LGR5: variants seen among roughly 807,000 people sequenced by gnomAD.
LGR5 encodes leucine rich repeat containing G protein-coupled receptor 5, also known as leucine-rich repeat-containing G protein-coupled receptor 5.
LGR5 carries 54 observed loss-of-function variants against 76.7 expected under a neutral mutation model. The ratio of observed to expected loss-of-function variants is 0.70; its 90% CI spans 0.57 to 0.88. The LOEUF is 0.88. Among genes scored for constraint, LGR5 ranks in the 40% least tolerant of loss-of-function variants. The pLI, the probability that LGR5 is intolerant of heterozygous loss-of-function variation, is 0.00. For synonymous variants in LGR5, 406 were observed against 421.9 expected (o/e 0.96, Z 0.46); for missense variants, 1,078 against 1,073.3 (o/e 1.00, Z -0.06).
chr12:71,519,716 C>T (rs1287809358), intron 2 of LGR5, among the ~76,000 whole-genome samples: 1 of 151,964 alleles, frequency 6.6e-6, no homozygotes, highest in Non-Finnish European at 1.5e-5. Context: ...GTCCCAGCTA[C>T]TTGTGGGGCT....
chr12:71,488,327 C>T (rs1223424674), intron 1 of LGR5, among the ~76,000 whole-genome samples: 1 of 152,178 alleles, frequency 6.6e-6, no homozygotes, highest in Admixed American at 6.5e-5. Context: ...ACTTAAGTCA[C>T]CTATAGGTTG....
Position 71,445,499 on chromosome 12 carries a change from A to G in LGR5, c.212+5207A>G, listed in dbSNP as rs143855544. On this transcript the variant is annotated intron_variant, in intron 1 of 17. Transcript: ENST00000266674. The stretch of plus-strand genomic sequence containing the variant: ...TTAACCATTGTAAATAACCAACTAC[A>G]TGCCCAATTTCACCTATGGAACTCT... Among the ~76,000 whole-genome samples the G allele has an allele frequency of 5.0e-4, 76 of 152,352 alleles. No individual in the cohort carries two copies. The East Asian group carries it at 0.013, about 26-fold the overall frequency.
chr12:71,495,077 T>TGG (rs778076062), intron 1 of LGR5, among the ~76,000 whole-genome samples: 4,003 of 149,016 alleles, frequency 0.027, 223 homozygotes, highest in African/African-American at 0.065. Context: ...TGGGGCGTAG[T>TGG]CGGGGGGGGT....
intron 1 of LGR5, among the ~76,000 whole-genome samples, chr12:71,496,299 A>T (rs1246813630): frequency 7.1e-6 from 1 of 141,090 alleles, no homozygotes; most frequent in Non-Finnish European, 1.5e-5. Context: ...TGAACCCAGG[A>T]GGTGGAGGTT....
chr12:71,560,415 A>T (rs1280602), intron 7 of LGR5, among the ~76,000 whole-genome samples: 115,473 of 152,064 alleles, frequency 0.76, 45,858 homozygotes, highest in Non-Finnish European at 0.89. Context: ...CTTCACATTG[A>T]GGAGGCTGAG....
chr12:71,443,915 T>A, intron 1 of LGR5, among the ~76,000 whole-genome samples: 1 of 121,470 alleles, frequency 8.2e-6, no homozygotes, highest in Non-Finnish European at 1.8e-5. Flanking sequence ...AGAGAAAAGA[T>A]TTTTTTTTTT....
rs1057003493 is a variant in LGR5, at chr12:71,440,606, T to A, written c.212+314T>A. On this transcript the variant is annotated intron_variant, in intron 1 of 17. Coordinates refer to ENST00000266674, the MANE Select transcript of LGR5 (RefSeq NM_003667.4). This position sits in a 1 kb window ranked among gnomAD's most constrained non-coding sequence, Gnocchi z 5.3. The stretch of plus-strand genomic sequence containing the variant: ...ATTCCTGCAAATGCAGGCATTTGCG[T>A]GCGGAGTGGACATTTGTGACCCAGA... Among the ~76,000 whole-genome samples, 11 of 152,130 alleles carry A rather than the reference T, an allele frequency of 7.2e-5. No individual in the cohort carries two copies. The highest frequency in any genetic ancestry group is 2.4e-4 in the African/African-American group (10 of 41,444).
intron 1 of LGR5, among the ~76,000 whole-genome samples, chr12:71,499,458 A>G (rs1874493095): frequency 6.6e-6 from 1 of 152,116 alleles, no homozygotes; most frequent in Admixed American, 6.5e-5. Context: ...AACGGTAAGA[A>G]TTTCCATGTA....
intron 1 of LGR5, among the ~76,000 whole-genome samples, chr12:71,484,180 A>T (rs886774684): frequency 6.6e-6 from 1 of 152,194 alleles, no homozygotes; most frequent in Non-Finnish European, 1.5e-5. Context: ...ATTTCCTAAG[A>T]AAAACATGTA....
chr12:71,561,773 C>T lies in LGR5; in HGVS notation c.786-8C>T, dbSNP rs779668472. On this transcript the variant is annotated splice_polypyrimidine_tract_variant and splice_region_variant and intron_variant, in intron 7 of 17. Transcript: ENST00000266674. Reference sequence around the variant, plus strand: ...CAGGATTTTTTATAATTTTTTTTCTCTTTCTAGAGGATTTCATAGCAACAA... The same window carrying T: ...CAGGATTTTTTATAATTTTTTTTCTTTTTCTAGAGGATTTCATAGCAACAA... 7.0e-6 allele frequency: 11 copies of T among 1,571,692 alleles called. No individual in the cohort carries two copies. The East Asian group carries it at 2.0e-4, about 29-fold the overall frequency.
intron 1 of LGR5, among the ~76,000 whole-genome samples, chr12:71,473,997 A>T (rs899442627): frequency 6.6e-6 from 1 of 152,178 alleles, no homozygotes; most frequent in African/African-American, 2.4e-5. Context: ...TACTGTACAA[A>T]TCTCATGCAC....
At chr12:71,448,839 T>C (rs1481368342) in intron 1 of LGR5, 1 of 152,248 alleles carries the variant, frequency 6.6e-6, no homozygotes, top group African/African-American at 2.4e-5. Flanking sequence ...GAATAAAGGA[T>C]CTTCCTCTTT....
intron 1 of LGR5, among the ~76,000 whole-genome samples, chr12:71,489,905 AAAG>A (rs760767191): frequency 1.5e-4 from 23 of 151,938 alleles, no homozygotes; most frequent in East Asian, 5.8e-4. Context: ...TCTGCAGAAA[AAAG>A]AAGAAGAAGA....
intron 4 of LGR5, among the ~76,000 whole-genome samples, chr12:71,551,415 T>C (rs1329663768): frequency 6.6e-6 from 1 of 152,248 alleles, no homozygotes; most frequent in Non-Finnish European, 1.5e-5. Context: ...TCTTAAATGC[T>C]TCCAAAAACA....
At chr12:71,486,798 A>C (rs879857881) in intron 1 of LGR5, among the ~76,000 whole-genome samples, 2 of 151,504 alleles carry the variant, frequency 1.3e-5, no homozygotes, top group Non-Finnish European at 2.9e-5. Flanking sequence ...CTAATAAGTT[A>C]TTTTTTCAAT....
Position 71,584,885 on chromosome 12 carries a change from C to A in LGR5, c.*151C>A. 1 of 712,538 alleles carries A rather than the reference C, an allele frequency of 1.4e-6. No homozygotes were observed. Among genetic ancestry groups the A allele is most frequent in the Non-Finnish European group, 2.3e-6 (1 of 433,904 alleles). 44.1% of individuals were successfully genotyped at this position (712,538 alleles called of 1,614,324 possible). A position where few individuals can be genotyped will look rare whatever the true frequency, so the allele number is the denominator to read the frequency against. ...TCAGTTAGTAAGAAAAGGCTGAAAACCTCTTGATACTTGAGAGTGAATATA... is the reference window on the plus strand; with the variant it reads ...TCAGTTAGTAAGAAAAGGCTGAAAAACTCTTGATACTTGAGAGTGAATATA... On this transcript the variant is annotated 3_prime_UTR_variant, in exon 18 of 18. Transcript: ENST00000266674.
intron 5 of LGR5, among the ~76,000 whole-genome samples, chr12:71,554,478 C>T (rs1877659948): frequency 6.6e-6 from 1 of 152,188 alleles, no homozygotes; most frequent in Non-Finnish European, 1.5e-5. Flanking sequence ...CTGCCTGACT[C>T]CTAAACCATA....
rs147455743 is a variant in LGR5, at chr12:71,460,259, A to C, written c.212+19967A>C. 2.3e-3 allele frequency among the ~76,000 whole-genome samples: 354 copies of C among 152,258 alleles called. 2 individuals are homozygous for C. Among genetic ancestry groups the C allele is most frequent in the African/African-American group, 8.1e-3 (335 of 41,560 alleles). On this transcript the variant is annotated intron_variant, in intron 1 of 17. Coordinates refer to ENST00000266674, the MANE Select transcript of LGR5 (RefSeq NM_003667.4). ...AACAGTGACTGGAAATGAAAAAATG[A>C]TGAAGAGAGAAATACAAAAAGGATC...
chr12:71,524,622 A>G (rs1363210422), intron 3 of LGR5, 145 bp downstream of exon 3: 2 of 510,306 alleles, frequency 3.9e-6, no homozygotes, highest in African/African-American at 4.0e-5. Flanking sequence ...CATTGGTACC[A>G]TACAGCCATA....
Sources: gnomAD v4.1 joint callset for allele counts (sites outside exome capture counted in the v4.1 genomes callset) on GRCh38, gnomAD v4.1.1 for gene constraint, Gnocchi (gnomAD v3.1) non-coding constraint, MANE v1.5 for transcripts, NCBI Gene and HGNC (gene_info 2026-07-23, HGNC 2026-07-21) for gene names.